CADM1: variants seen among roughly 807,000 people sequenced by gnomAD.
The protein encoded by CADM1 is cell adhesion molecule 1, also known as TSLC-1.
CADM1 carries 15 observed loss-of-function variants against 53.1 expected under a neutral mutation model. The observed-to-expected ratio is 0.28, with a 90% CI of 0.19 to 0.44. The LOEUF is 0.44. Among genes scored for constraint, CADM1 ranks in the 20% least tolerant of loss-of-function variants. The probability of loss-of-function intolerance (pLI) is 1.00; values close to 1 mark genes in which losing one functional copy is unlikely to be tolerated. For missense variants in CADM1, 434 were observed against 611.3 expected (o/e 0.71, Z 3.06); for synonymous variants, 281 against 243.0 (o/e 1.16, Z -1.45).
intron 1 of CADM1, among the ~76,000 whole-genome samples, chr11:115,361,893 T>C (rs1207420849): frequency 3.0e-5 from 2 of 66,580 alleles, no homozygotes; most frequent in East Asian, 2.7e-4. Context: ...ACCCGAGTTT[T>C]TGTTTTGTTT....
intron 10 of CADM1, among the ~76,000 whole-genome samples, chr11:115,189,391 G>A (rs1019840054): frequency 3.3e-5 from 5 of 152,156 alleles, no homozygotes; most frequent in Non-Finnish European, 5.9e-5. Flanking sequence ...TGCCAAGAGG[G>A]ATCAGGGCCA....
At chr11:115,400,661 G>GTACATATA (rs1555079464) in intron 1 of CADM1, among the ~76,000 whole-genome samples, 1 of 46,560 alleles carries the variant, frequency 2.1e-5, no homozygotes, top group Non-Finnish European at 4.4e-5. Flanking sequence ...GTGTGTGTGT[G>GTACATATA]TATATATATA....
intron 1 of CADM1, among the ~76,000 whole-genome samples, chr11:115,261,814 C>G (rs1240006001): frequency 2.7e-5 from 4 of 150,264 alleles, no homozygotes; most frequent in Non-Finnish European, 5.9e-5. Flanking sequence ...GAGTCTCACT[C>G]TGTTGCCCAG....
chr11:115,384,449 A>T (rs1048791555), intron 1 of CADM1, among the ~76,000 whole-genome samples: 1 of 152,216 alleles, frequency 6.6e-6, no homozygotes, highest in African/African-American at 2.4e-5. Context: ...AAACTCAAGT[A>T]CACAGTGTGA....
chr11:115,440,705 T>A (rs1458588904), intron 1 of CADM1, among the ~76,000 whole-genome samples: 2 of 152,210 alleles, frequency 1.3e-5, no homozygotes, highest in African/African-American at 4.8e-5. Flanking sequence ...ACCCAACTTA[T>A]CCTTGTTCTT....
intron 1 of CADM1, among the ~76,000 whole-genome samples, chr11:115,383,588 A>C (rs888126489): frequency 1.3e-5 from 2 of 152,218 alleles, no homozygotes; most frequent in African/African-American, 4.8e-5. Flanking sequence ...CCACAGAGCA[A>C]TGCCCACCTG....
chr11:115,483,128 C>G (rs1481324655), intron 1 of CADM1, among the ~76,000 whole-genome samples: 1 of 152,144 alleles, frequency 6.6e-6, no homozygotes, highest in Non-Finnish European at 1.5e-5. Flanking sequence ...GAGCAGCTGT[C>G]AGTTATGGAT....
chr11:115,471,925 A>C (rs1045263243), intron 1 of CADM1, among the ~76,000 whole-genome samples: 5 of 152,228 alleles, frequency 3.3e-5, no homozygotes, highest in African/African-American at 1.2e-4. Flanking sequence ...GCTAGCAGGC[A>C]TTAAAAAGGT....
In CADM1 at chr11:115,174,156, C is replaced by T; in HGVS notation, c.*2318G>A. The T allele has an allele frequency of 1.0e-6, 1 of 985,414 alleles. No individual in the cohort carries two copies. Among genetic ancestry groups the T allele is most frequent in the Non-Finnish European group, 1.2e-6 (1 of 829,924 alleles). 61.0% of individuals were successfully genotyped at this position (985,414 alleles called of 1,614,324 possible). On this transcript the variant is annotated 3_prime_UTR_variant, in exon 12 of 12. Transcript: ENST00000331581. ...AACACATGAACCTGAGACATGTCAACATTGTAAGCCATAAAGTTACATCAG... is the reference window on the plus strand; with the variant it reads ...AACACATGAACCTGAGACATGTCAATATTGTAAGCCATAAAGTTACATCAG...
chr11:115,406,581 T>C (rs996194650), intron 1 of CADM1, among the ~76,000 whole-genome samples: 2 of 148,164 alleles, frequency 1.3e-5, no homozygotes, highest in East Asian at 1.9e-4. Flanking sequence ...TTATATACCT[T>C]ATTATAATAA....
At chr11:115,474,518 A>G (rs1375309546) in intron 1 of CADM1, among the ~76,000 whole-genome samples, 2 of 151,942 alleles carry the variant, frequency 1.3e-5, no homozygotes, top group Middle Eastern at 3.4e-3. Context: ...CTATGCAGCC[A>G]TAAAGAAGGA....
intron 5 of CADM1, among the ~76,000 whole-genome samples, chr11:115,219,599 G>A (rs1941327897): frequency 1.3e-5 from 2 of 152,180 alleles, no homozygotes; most frequent in South Asian, 2.1e-4. Context: ...GCAAAATGGT[G>A]TTGAGGTTTC....
intron 1 of CADM1, among the ~76,000 whole-genome samples, chr11:115,390,407 C>T (rs765725878): frequency 1.7e-4 from 25 of 146,596 alleles, no homozygotes; most frequent in Non-Finnish European, 2.1e-4. Flanking sequence ...GGAAGGGAGG[C>T]GAGAGAGAGA....
intron 1 of CADM1, among the ~76,000 whole-genome samples, chr11:115,348,279 G>T (rs1407430761): frequency 6.6e-6 from 1 of 152,144 alleles, no homozygotes; most frequent in Non-Finnish European, 1.5e-5. Flanking sequence ...TTCTAAGTTT[G>T]CTAATAAAGA....
At chr11:115,348,903 T>C (rs1406962382) in intron 1 of CADM1, among the ~76,000 whole-genome samples, 1 of 152,180 alleles carries the variant, frequency 6.6e-6, no homozygotes, top group East Asian at 1.9e-4. Flanking sequence ...TGAGAAACCG[T>C]GAGCTAGACT....
At chr11:115,451,341 T>C (rs1034801923) in intron 1 of CADM1, among the ~76,000 whole-genome samples, 7 of 152,220 alleles carry the variant, frequency 4.6e-5, no homozygotes, top group African/African-American at 2.4e-5. Context: ...CTTTCTGCAT[T>C]GATACAGGTA....
intron 1 of CADM1, among the ~76,000 whole-genome samples, chr11:115,393,157 T>G: frequency 6.7e-6 from 1 of 149,424 alleles, no homozygotes. Context: ...TTAAAACATA[T>G]GCTTGAAGAA....
At chr11:115,217,842 T>C in intron 6 of CADM1, 50 bp downstream of exon 6, 2 of 1,122,848 alleles carry the variant, frequency 1.8e-6, no homozygotes, top group Non-Finnish European at 2.7e-6. Context: ...GTCTGTGTTG[T>C]GACATTTACT....
At chr11:115,213,990 A>C (rs1298074378) in intron 7 of CADM1, among the ~76,000 whole-genome samples, 1 of 152,238 alleles carries the variant, frequency 6.6e-6, no homozygotes. Context: ...GTAGATGCTC[A>C]ATAAATATCT....
Sources: allele counts gnomAD v4.1 joint callset (sites outside exome capture counted in the v4.1 genomes callset), GRCh38; gene constraint gnomAD v4.1.1; transcripts MANE v1.5; gene names NCBI Gene and HGNC (gene_info 2026-07-23, HGNC 2026-07-21).